Variants in ALOX5 observed in about 807,000 individuals in gnomAD.
ALOX5 encodes the protein polyunsaturated fatty acid 5-lipoxygenase.
In ALOX5, 64 loss-of-function variants were observed where a neutral mutation model predicts 87.9. That is an observed-to-expected ratio of 0.73 (90% confidence interval 0.60 to 0.90). ALOX5 has a LOEUF of 0.90. Ranked by LOEUF, ALOX5 falls within the 40% of genes least tolerant of loss-of-function variation. The pLI is 0.00. For synonymous variants in ALOX5, 388 were observed against 355.1 expected (o/e 1.09, Z -1.04); for missense variants, 822 against 907.5 (o/e 0.91, Z 1.21).
At chr10:45,408,887 C>T (rs1203017820) in intron 3 of ALOX5, among the ~76,000 whole-genome samples, 1 of 152,194 alleles carries the variant, frequency 6.6e-6, no homozygotes, top group African/African-American at 2.4e-5. Context: ...CTTCCTGGCA[C>T]ATAGTAGGTG....
At chr10:45,412,380 T>C in intron 4 of ALOX5, 67 bp downstream of exon 4, 1 of 1,590,522 alleles carries the variant, frequency 6.3e-7, no homozygotes, top group Non-Finnish European at 8.6e-7. Flanking sequence ...GGTGGAACCC[T>C]CACTCCTTTC....
At chr10:45,427,919 G>T (rs941556241) in intron 6 of ALOX5, among the ~76,000 whole-genome samples, 1 of 152,018 alleles carries the variant, frequency 6.6e-6, no homozygotes, top group Non-Finnish European at 1.5e-5. Flanking sequence ...CCAATGACCC[G>T]CCGTGTCGCC....
Position 45,425,759 on chromosome 10 carries a change from C to T in ALOX5, c.834+627C>T, listed in dbSNP as rs533743397. On this transcript the variant is annotated intron_variant, in intron 6 of 13. Coordinates refer to ENST00000374391, the MANE Select transcript of ALOX5 (RefSeq NM_000698.5). The surrounding 1 kb of genome is among the most constrained non-coding windows in gnomAD (Gnocchi z 4.4). ...CAGCAACAGGCGCTGGCCCATCAGC[C>T]TGCCTCTTCCCCATGGATCCAGCGT... Among the ~76,000 whole-genome samples the T allele has an allele frequency of 1.6e-4, 24 of 152,224 alleles. No homozygotes were observed. Among genetic ancestry groups the T allele is most frequent in the Non-Finnish European group, 3.2e-4 (22 of 68,038 alleles).
At position 45,397,002 on chromosome 10, in the gene ALOX5, A is replaced by C. The variant is rs549802662; in HGVS notation, c.431+1066A>C. Among the ~76,000 whole-genome samples the C allele has an allele frequency of 3.9e-5, 6 of 152,370 alleles. No individual in the cohort carries two copies. The South Asian group carries it at 1.2e-3, about 32-fold the overall frequency. Reference sequence around the variant, plus strand: ...ATTTCAATAGACATACAAAAAAGGCATTTGACAAAATCCAACACCCATTCA... The same window carrying C: ...ATTTCAATAGACATACAAAAAAGGCCTTTGACAAAATCCAACACCCATTCA... On this transcript the variant is annotated intron_variant, in intron 3 of 13. Coordinates refer to ENST00000374391, the MANE Select transcript of ALOX5 (RefSeq NM_000698.5).
At chr10:45,429,346 T>A (rs757682531) in intron 7 of ALOX5, among the ~76,000 whole-genome samples, 4 of 152,140 alleles carry the variant, frequency 2.6e-5, no homozygotes, top group Admixed American at 2.0e-4. Flanking sequence ...CATAGGTCCC[T>A]GGGAGTAGGG....
rs61854076 is a variant in ALOX5 at position 45,402,601 on chromosome 10, G to A, written c.431+6665G>A. On this transcript the variant is annotated intron_variant, in intron 3 of 13. Coordinates refer to ENST00000374391, the MANE Select transcript of ALOX5 (RefSeq NM_000698.5). ...AAACTGTAAGACATTTAGACTACAG[G>A]TGATTATTCTTCCAGGTCTCAAGCT... Among the ~76,000 whole-genome samples, 1,443 of 152,286 alleles carry A rather than the reference G, an allele frequency of 9.5e-3. 15 individuals carry two copies. The highest frequency in any genetic ancestry group is 9.4e-3 in the Non-Finnish European group (639 of 68,026).
intron 13 of ALOX5, chr10:45,444,863 A>C (rs1338062986): frequency 6.5e-6 from 1 of 154,402 alleles, no homozygotes; most frequent in African/African-American, 2.4e-5. Context: ...CTAGCAGACA[A>C]ATTCCTTGGT....
At chr10:45,399,386 G>A (rs1004454885) in intron 3 of ALOX5, among the ~76,000 whole-genome samples, 1 of 152,192 alleles carries the variant, frequency 6.6e-6, no homozygotes, top group Non-Finnish European at 1.5e-5. Flanking sequence ...TGTCCATTGT[G>A]TAAAAATTAA....
intron 1 of ALOX5, 127 bp from the exon 2 acceptor site, chr10:45,382,356 T>A: frequency 2.1e-6 from 2 of 952,114 alleles, no homozygotes; most frequent in Non-Finnish European, 3.2e-6. Context: ...GCTGTTTTTT[T>A]AAGTGCTTTT....
At chr10:45,433,297 G>A (rs921673124) in intron 7 of ALOX5, among the ~76,000 whole-genome samples, 11 of 152,174 alleles carry the variant, frequency 7.2e-5, no homozygotes, top group African/African-American at 2.7e-4. Flanking sequence ...GGCCAGCACC[G>A]GAGCAGATCC....
At chr10:45,409,271 C>T (rs145152827) in intron 3 of ALOX5, among the ~76,000 whole-genome samples, 1 of 152,334 alleles carries the variant, frequency 6.6e-6, no homozygotes, top group East Asian at 1.9e-4. Flanking sequence ...CACTCGGAGC[C>T]TGCTCTGGTT....
At chr10:45,428,345 T>C (rs942077980) in intron 6 of ALOX5, 20 of 514,160 alleles carry the variant, frequency 3.9e-5, no homozygotes, top group Non-Finnish European at 6.2e-5. Context: ...GGTCGGTCTC[T>C]CATCTTTCGT....
At chr10:45,439,486 A>T (rs1842159039) in intron 7 of ALOX5, among the ~76,000 whole-genome samples, 1 of 152,270 alleles carries the variant, frequency 6.6e-6, no homozygotes, top group Admixed American at 6.5e-5. Flanking sequence ...CCATGTCTTC[A>T]TGTAAAAATG....
At chr10:45,382,735 C>T in intron 2 of ALOX5, 54 bp downstream of exon 2, 1 of 1,556,344 alleles carries the variant, frequency 6.4e-7, no homozygotes, top group East Asian at 2.4e-5. Flanking sequence ...GAAAGTTCTT[C>T]CTGTCCTCAA....
rs149383244 is a variant in ALOX5 at position 45,405,422 on chromosome 10, A to G, written c.432-6769A>G. Among the ~76,000 whole-genome samples the G allele has an allele frequency of 6.6e-3, 1,003 of 152,318 alleles. 12 individuals are homozygous for G. The highest frequency in any genetic ancestry group is 0.023 in the African/African-American group (969 of 41,564). ...ACTCCCCTGACCACTAATAAGCATC[A>G]CTGCATTGCCTATTTATAAGCTTTT... On this transcript the variant is annotated intron_variant, in intron 3 of 13. Coordinates refer to ENST00000374391, the MANE Select transcript of ALOX5 (RefSeq NM_000698.5).
intron 7 of ALOX5, among the ~76,000 whole-genome samples, chr10:45,440,198 C>T (rs905509183): frequency 6.6e-6 from 1 of 152,150 alleles, no homozygotes; most frequent in Non-Finnish European, 1.5e-5. Flanking sequence ...GATGCTGAAG[C>T]CGGAGCTTAG....
chr10:45,443,249 G>A, intron 10 of ALOX5, 33 bp downstream of exon 10: 1 of 1,602,612 alleles, frequency 6.2e-7, no homozygotes, highest in Non-Finnish European at 8.5e-7. Context: ...TCCTGGGGGA[G>A]GAGCCGGGAC....
Position 45,443,447 on chromosome 10 carries a change from GA to G in ALOX5, c.1484del (p.Glu495GlyfsTer16). 1.2e-6 allele frequency: 2 copies of G among 1,611,076 alleles called. No individual in the cohort carries two copies. The highest frequency in any genetic ancestry group is 8.5e-7 in the Non-Finnish European group (1 of 1,178,804). ...FTAEVVDIYY[E>X]GDQVVEEDPE... ...GGCCGAGGTGGTAGACATCTACTAC[GA>G]GGGCGACCAGGTGGTGGAGGAGGAC... On this transcript the variant is annotated frameshift_variant, in exon 11 of 14. Coordinates refer to ENST00000374391, the MANE Select transcript of ALOX5 (RefSeq NM_000698.5). LOFTEE classifies it high-confidence loss of function.
At chr10:45,434,535 G>T (rs1458534830) in intron 7 of ALOX5, among the ~76,000 whole-genome samples, 4 of 152,324 alleles carry the variant, frequency 2.6e-5, no homozygotes, top group African/African-American at 9.6e-5. Context: ...ACCTGGAGGG[G>T]TCTCCACAAT....
Sources: allele counts gnomAD v4.1 joint callset (sites outside exome capture counted in the v4.1 genomes callset), GRCh38; gene constraint gnomAD v4.1.1; non-coding constraint Gnocchi (gnomAD v3.1); transcripts MANE v1.5; gene names NCBI Gene and HGNC (gene_info 2026-07-23, HGNC 2026-07-21).